The following MAP3K4 variants were observed in gnomAD, a reference collection of about 807,000 sequenced individuals.
MAP3K4 encodes the protein MAP three kinase 1.
MAP3K4 carries 67 observed loss-of-function variants against 185.6 expected under a neutral mutation model. That is an observed-to-expected ratio of 0.36 (90% confidence interval 0.30 to 0.44). The LOEUF is 0.44. Among genes scored for constraint, MAP3K4 ranks in the 20% least tolerant of loss-of-function variants. MAP3K4 has a pLI of 1.00. For missense variants in MAP3K4, 1,551 were observed against 1,995.1 expected, an observed-to-expected ratio of 0.78 and a Z score of 4.24; for synonymous variants, 702 against 710.4, an observed-to-expected ratio of 0.99 and a Z score of 0.19.
At chr6:161,035,399 C>A (rs192364398) in intron 2 of MAP3K4, among the ~76,000 whole-genome samples, 1 of 152,200 alleles carries the variant, frequency 6.6e-6, no homozygotes, top group East Asian at 1.9e-4. Context: ...ATATATTGAG[C>A]TTTGATGGCT....
In MAP3K4 at chr6:161,053,542, A is replaced by G. The variant is rs2114773241; in HGVS notation, c.1707+3563A>G. 6.6e-6 allele frequency among the ~76,000 whole-genome samples: 1 copy of G among 152,336 alleles called. No individual in the cohort carries two copies. The highest frequency in any genetic ancestry group is 6.5e-5 in the Admixed American group (1 of 15,300). On this transcript the variant is annotated intron_variant, in intron 3 of 26. Coordinates refer to ENST00000392142, the MANE Select transcript of MAP3K4 (RefSeq NM_005922.4). This position sits in a 1 kb window ranked among gnomAD's most constrained non-coding sequence, Gnocchi z 4.2. ...CCTCTGCCAAATAATTGTACATTTT[A>G]AGGGCATACATTTTAGGCAGTAAAA...
Position 161,034,355 on chromosome 6 carries a change from C to T in MAP3K4, c.249C>T (p.Thr83=), listed in dbSNP as rs751086835. The T allele has an allele frequency of 5.6e-6, 9 of 1,613,772 alleles. No individual in the cohort carries two copies. The highest frequency in any genetic ancestry group is 7.6e-6 in the Non-Finnish European group (9 of 1,179,808). Residue 83 remains threonine, a synonymous_variant, in exon 2 of 27, where the codon ACC becomes ACT. Transcript: ENST00000392142. This position sits in a 1 kb window ranked among gnomAD's most constrained non-coding sequence, Gnocchi z 4.4. The part of the protein sequence containing the change: ...DETNTENLYG[T]SPPSTPRQMK... ...CAAATACAGAGAATCTTTATGGTAC[C>T]TCTCCCCCCAGCACACCTCGACAGA...
intron 1 of MAP3K4, among the ~76,000 whole-genome samples, chr6:161,023,384 A>G (rs904833830): frequency 1.3e-5 from 2 of 152,232 alleles, no homozygotes; most frequent in African/African-American, 4.8e-5. Context: ...AAAACATTGC[A>G]TGTGGTCTTC....
rs1785378783 is a variant in MAP3K4 at position 161,080,128 on chromosome 6, G to T, written c.2098-753G>T. On this transcript the variant is annotated intron_variant, in intron 5 of 26. Transcript: ENST00000392142. The surrounding 1 kb of genome is among the most constrained non-coding windows in gnomAD (Gnocchi z 4.8). ...AAGGGAGTGGAGTGATGTCTGAAAAGTTCCGAGAGAGAATGTGTGACTCAA... is the reference window on the plus strand; with the variant it reads ...AAGGGAGTGGAGTGATGTCTGAAAATTTCCGAGAGAGAATGTGTGACTCAA... Among the ~76,000 whole-genome samples the T allele has an allele frequency of 6.6e-6, 1 of 152,134 alleles. No individual in the cohort carries two copies. Among genetic ancestry groups the T allele is most frequent in the Non-Finnish European group, 1.5e-5 (1 of 68,038 alleles).
intron 1 of MAP3K4, among the ~76,000 whole-genome samples, chr6:161,014,967 T>C (rs1181072052): frequency 6.6e-6 from 1 of 152,202 alleles, no homozygotes; most frequent in Non-Finnish European, 1.5e-5. Context: ...TCTGTCTCTG[T>C]ATATTTTCCT....
chr6:161,105,929 G>A (rs992339787), intron 19 of MAP3K4, among the ~76,000 whole-genome samples: 1 of 150,878 alleles, frequency 6.6e-6, no homozygotes, highest in Non-Finnish European at 1.5e-5. Context: ...TCTACCTCCC[G>A]GGCACAAGGG....
rs557332271 is a variant in MAP3K4, at chr6:161,074,700, A to G, written c.2097+1088A>G. ...GGGTATATGCATAGATGATTACGTA[A>G]TGTGACAGGTTAATGAAATAATAAA... On this transcript the variant is annotated intron_variant, in intron 5 of 26. Coordinates refer to ENST00000392142, the MANE Select transcript of MAP3K4 (RefSeq NM_005922.4). The surrounding 1 kb of genome is among the most constrained non-coding windows in gnomAD (Gnocchi z 5.0). 6.6e-6 allele frequency among the ~76,000 whole-genome samples: 1 copy of G among 152,234 alleles called. No individual in the cohort carries two copies. The highest frequency in any genetic ancestry group is 1.5e-5 in the Non-Finnish European group (1 of 68,046).
At position 161,071,018 on chromosome 6, in the gene MAP3K4, C is replaced by T. The variant is rs957664019; in HGVS notation, c.1950+168C>T. Among the ~76,000 whole-genome samples, 1 of 151,742 alleles carries T rather than the reference C, an allele frequency of 6.6e-6. No homozygotes were observed. The highest frequency in any genetic ancestry group is 1.5e-5 in the Non-Finnish European group (1 of 67,938). On this transcript the variant is annotated intron_variant, in intron 4 of 26. Coordinates refer to ENST00000392142, the MANE Select transcript of MAP3K4 (RefSeq NM_005922.4). The surrounding 1 kb of genome is among the most constrained non-coding windows in gnomAD (Gnocchi z 4.6). ...ATATTTTAGGGTAATTAAAAATGTT[C>T]TTTATATGCGGTCCTCAAAGGTAAG... is the stretch of plus-strand genomic sequence containing the variant.
At chr6:161,030,337 A>C (rs529480673) in intron 1 of MAP3K4, among the ~76,000 whole-genome samples, 1 of 152,032 alleles carries the variant, frequency 6.6e-6, no homozygotes, top group East Asian at 1.9e-4. Flanking sequence ...TATTTCAGAT[A>C]TATTTTTTAT....
At chr6:161,047,279 C>CA (rs5881389) in intron 2 of MAP3K4, among the ~76,000 whole-genome samples, 99,910 of 145,438 alleles carry the variant, frequency 0.69, 35,551 homozygotes, top group East Asian at 0.97. Flanking sequence ...TGTCTCTACC[C>CA]AAAAAAAAAA....
chr6:161,021,932 CA>C (rs71886302), intron 1 of MAP3K4, among the ~76,000 whole-genome samples: 3,103 of 147,374 alleles, frequency 0.021, 102 homozygotes, highest in African/African-American at 0.071. Flanking sequence ...CCCAAGAAAA[CA>C]AAAAAAAACA....
rs375418351 is a variant in MAP3K4 at position 161,049,681 on chromosome 6, G to A, written c.1409G>A (p.Arg470Lys). The change falls in exon 3 of 27, where the codon AGG (arginine) becomes AAG (lysine). Residue 470 changes from arginine to lysine, a missense_variant. Physicochemically the swap from Arg to Lys is conservative, Grantham distance 26 (BLOSUM62 2). Coordinates refer to ENST00000392142, the MANE Select transcript of MAP3K4 (RefSeq NM_005922.4). This position sits in a 1 kb window ranked among gnomAD's most constrained non-coding sequence, Gnocchi z 8.4. ...ESEEEQISDPRVPEIRQPIDN... is the reference protein window; with the variant it reads ...ESEEEQISDPKVPEIRQPIDN... The stretch of plus-strand genomic sequence containing the variant: ...GAAGAAGAACAAATCTCTGATCCTA[G>A]GGTACCGGAAATCAGACAGCCCATA... 8.7e-6 allele frequency: 14 copies of A among 1,614,012 alleles called. No individual in the cohort carries two copies. The highest frequency in any genetic ancestry group is 1.2e-5 in the Non-Finnish European group (14 of 1,180,018).
intron 1 of MAP3K4, among the ~76,000 whole-genome samples, chr6:161,000,027 A>G (rs561417749): frequency 6.6e-6 from 1 of 152,338 alleles, no homozygotes; most frequent in African/African-American, 2.4e-5. Flanking sequence ...TCAAGAAGAC[A>G]GTAAGATTCT....
In MAP3K4 at chr6:161,087,306, C is replaced by T. The variant is rs1442269742; in HGVS notation, c.2557-382C>T. Among the ~76,000 whole-genome samples the T allele has an allele frequency of 6.6e-6, 1 of 152,204 alleles. No individual in the cohort carries two copies. The highest frequency in any genetic ancestry group is 1.9e-4 in the East Asian group (1 of 5,206). On this transcript the variant is annotated intron_variant, in intron 9 of 26. Transcript: ENST00000392142. The surrounding 1 kb of genome is among the most constrained non-coding windows in gnomAD (Gnocchi z 4.9). ...CCCTGCCCTGGAATAATTAGAGAAT[C>T]TGTATTAACAATTTTTGCCTTTTTC...
rs1387839078 is a variant in MAP3K4, at chr6:160,992,165, G to T, written c.152+82G>T. On this transcript the variant is annotated intron_variant, in intron 1 of 26. Transcript: ENST00000392142. Reference sequence around the variant, plus strand: ...AACTCGGTCGGGCCCGAGGGCCTCTGCTTCCCGCCAGGTGGGGAGGGAAGC... The same window carrying T: ...AACTCGGTCGGGCCCGAGGGCCTCTTCTTCCCGCCAGGTGGGGAGGGAAGC... 4.2e-6 allele frequency: 6 copies of T among 1,417,262 alleles called. No individual in the cohort carries two copies. In the African/African-American group the frequency reaches 7.6e-5, roughly 18 times the overall value. 87.8% of individuals were successfully genotyped at this position (1,417,262 alleles called of 1,614,324 possible). A position where few individuals can be genotyped will look rare whatever the true frequency, so the allele number is the denominator to read the frequency against.
rs1380240194 is a variant in MAP3K4 at position 161,074,914 on chromosome 6, A to C, written c.2097+1302A>C. On this transcript the variant is annotated intron_variant, in intron 5 of 26. Transcript: ENST00000392142. The surrounding 1 kb of genome is among the most constrained non-coding windows in gnomAD (Gnocchi z 5.0). ...AGGAGCTCTCCTGGCAACCCCACCC[A>C]GCACATTTCCCCTGCCTTTTGTTGA... is the stretch of plus-strand genomic sequence containing the variant. 1.3e-5 allele frequency among the ~76,000 whole-genome samples: 2 copies of C among 152,174 alleles called. No homozygotes were observed. Among genetic ancestry groups the C allele is most frequent in the African/African-American group, 4.8e-5 (2 of 41,440 alleles).
chr6:161,070,536 G>C lies in MAP3K4; in HGVS notation c.1708-72G>C. ...TGTTAGCACATTGTAGAGAATAAGAGTTTATAACCACAACCGTAGAACGTT... is the reference window on the plus strand; with the variant it reads ...TGTTAGCACATTGTAGAGAATAAGACTTTATAACCACAACCGTAGAACGTT... On this transcript the variant is annotated intron_variant, in intron 3 of 26. Transcript: ENST00000392142. This position sits in a 1 kb window ranked among gnomAD's most constrained non-coding sequence, Gnocchi z 4.5. 1 of 1,367,112 alleles carries C rather than the reference G, an allele frequency of 7.3e-7. No individual in the cohort carries two copies. The highest frequency in any genetic ancestry group is 1.0e-6 in the Non-Finnish European group (1 of 992,658). 84.7% of individuals were successfully genotyped at this position (1,367,112 alleles called of 1,614,324 possible). A position where few individuals can be genotyped will look rare whatever the true frequency, so the allele number is the denominator to read the frequency against.
At chr6:161,012,841 T>TA (rs35733652) in intron 1 of MAP3K4, among the ~76,000 whole-genome samples, 14,128 of 152,208 alleles carry the variant, frequency 0.093, 830 homozygotes, top group Non-Finnish European at 0.13. Flanking sequence ...GTAGGAATGA[T>TA]ATCTAAATGT....
At chr6:161,058,000 A>G (rs1784317918) in intron 3 of MAP3K4, among the ~76,000 whole-genome samples, 1 of 152,258 alleles carries the variant, frequency 6.6e-6, no homozygotes, top group South Asian at 2.1e-4. Context: ...CGTGATAACA[A>G]CAGCACAATA....
Sources: gnomAD v4.1 joint callset for allele counts (sites outside exome capture counted in the v4.1 genomes callset) on GRCh38, gnomAD v4.1.1 for gene constraint, Gnocchi (gnomAD v3.1) non-coding constraint, MANE v1.5 for transcripts, NCBI Gene and HGNC (gene_info 2026-07-23, HGNC 2026-07-21) for gene names.